Variants in GIMAP2 observed in about 807,000 individuals in gnomAD.
The protein encoded by GIMAP2 is GTPase IMAP family member 2.
A neutral mutation model predicts 25.5 loss-of-function variants in GIMAP2; 22 were observed. That is an observed-to-expected ratio of 0.86 (90% CI 0.62 to 1.23). The LOEUF (loss-of-function observed/expected upper bound fraction) is 1.23, where lower values mean the gene tolerates loss of function less well. Ranked by LOEUF, GIMAP2 falls within the 50% of genes most tolerant of loss-of-function variation. The probability of loss-of-function intolerance (pLI) is 0.00; values close to 1 mark genes in which losing one functional copy is unlikely to be tolerated. For synonymous variants in GIMAP2, 167 were observed against 143.0 expected (o/e 1.17, Z -1.20); for missense variants, 422 against 395.7 (o/e 1.07, Z -0.56).
Position 150,693,306 on chromosome 7 carries a change from G to C in GIMAP2, c.*6G>C. Reference sequence around the variant, plus strand: ...GCAAGACTCCTAGGTTATAGTTACAGATCCCAGTTATTATTTACTCACTAT... The same window carrying C: ...GCAAGACTCCTAGGTTATAGTTACACATCCCAGTTATTATTTACTCACTAT... On this transcript the variant is annotated 3_prime_UTR_variant, in exon 3 of 3. Transcript: ENST00000223293. 6.6e-7 allele frequency: 1 copy of C among 1,520,570 alleles called. No individual in the cohort carries two copies. The allele number at this position is 1,520,570 out of a possible 1,614,324, so 94.2% of individuals were successfully genotyped here. A position where few individuals can be genotyped will look rare whatever the true frequency, so the allele number is the denominator to read the frequency against.
At position 150,693,288 on chromosome 7, in the gene GIMAP2, T is replaced by C. The variant is rs2116509544; in HGVS notation, c.1002T>C (p.Thr334=). 6.4e-7 allele frequency: 1 copy of C among 1,559,524 alleles called. No individual in the cohort carries two copies. The highest frequency in any genetic ancestry group is 8.6e-7 in the Non-Finnish European group (1 of 1,158,626). The change falls in exon 3 of 3, where the codon ACT becomes ACC. Residue 334 remains threonine (T), a synonymous_variant. Coordinates refer to ENST00000223293, the MANE Select transcript of GIMAP2 (RefSeq NM_015660.3). ...LRTVIRLERK[T]PRL is the part of the protein sequence containing the mutation. ...CAGTTATTAGACTAGAACGCAAGAC[T>C]CCTAGGTTATAGTTACAGATCCCAG...
In GIMAP2 at chr7:150,685,796, A is replaced by G. The variant is rs1434639192; in HGVS notation, c.-9+11A>G. The G allele has an allele frequency of 5.2e-6, 5 of 962,198 alleles. No individual in the cohort carries two copies. In the African/African-American group the frequency reaches 8.8e-5, roughly 17 times the overall value. 59.6% of individuals were successfully genotyped at this position (962,198 alleles called of 1,614,324 possible). On this transcript the variant is annotated intron_variant, in intron 1 of 2. Transcript: ENST00000223293. Reference sequence around the variant, plus strand: ...TGAACAGTAAATCAGGTAAGCCCAGATTTACGAAAAGTTCTGCAGTGTTGA... The same window carrying G: ...TGAACAGTAAATCAGGTAAGCCCAGGTTTACGAAAAGTTCTGCAGTGTTGA...
At chr7:150,688,475 A>T (rs1448830734) in intron 2 of GIMAP2, among the ~76,000 whole-genome samples, 1 of 152,162 alleles carries the variant, frequency 6.6e-6, no homozygotes, top group Non-Finnish European at 1.5e-5. Context: ...TGCCTTTCTG[A>T]TTAATAGAGA....
At chr7:150,687,773 C>CT (rs1455117058) in intron 2 of GIMAP2, among the ~76,000 whole-genome samples, 2 of 151,484 alleles carry the variant, frequency 1.3e-5, no homozygotes, top group Non-Finnish European at 2.9e-5. Flanking sequence ...CTATCATTCC[C>CT]TTCTCTTCCC....
At chr7:150,692,062 C>CAAAA (rs36051941) in intron 2 of GIMAP2, among the ~76,000 whole-genome samples, 5 of 144,474 alleles carry the variant, frequency 3.5e-5, no homozygotes, top group Non-Finnish European at 7.6e-5. Context: ...CTAAAACTAC[C>CAAAA]AAAAAAAAAA....
intron 2 of GIMAP2, chr7:150,689,396 T>A: frequency 1.5e-6 from 1 of 648,738 alleles, no homozygotes; most frequent in African/African-American, 1.8e-5. Flanking sequence ...ACCCTCCCCA[T>A]GGGAGAGAAT....
Position 150,685,710 on chromosome 7 carries a change from C to G in GIMAP2, c.-84C>G. 1 of 984,490 alleles carries G rather than the reference C, an allele frequency of 1.0e-6. No individual in the cohort carries two copies. The highest frequency in any genetic ancestry group is 1.2e-6 in the Non-Finnish European group (1 of 829,152). 61.0% of individuals were successfully genotyped at this position (984,490 alleles called of 1,614,324 possible). ...CCGACTGGAGTCTCGGTTTTACTTT[C>G]TTTTTCTCTTGGAGCTGAGCTATAA... On this transcript the variant is annotated 5_prime_UTR_variant, in exon 1 of 3. Transcript: ENST00000223293.
intron 2 of GIMAP2, 181 bp downstream of exon 2, chr7:150,687,268 T>C (rs1796915042): frequency 1.8e-6 from 1 of 566,454 alleles, no homozygotes; most frequent in African/African-American, 1.9e-5. Context: ...TTTTCTTTGT[T>C]TGTTTGTTTG....
In GIMAP2 at chr7:150,692,525, A is replaced by G; in HGVS notation, c.239A>G (p.Asp80Gly). ...GAGATTGTCATTATTGACACACCAG[A>G]TATGTTTTCTTGGAAGGACCACTGT... ...NREIVIIDTP[D>G]MFSWKDHCEA... Residue 80 changes from aspartate to glycine, a missense_variant, in exon 3 of 3, where the codon GAT (aspartate) becomes GGT (glycine). Physicochemically the swap from Asp to Gly is moderately conservative, Grantham distance 94 (BLOSUM62 -1). Coordinates refer to ENST00000223293, the MANE Select transcript of GIMAP2 (RefSeq NM_015660.3). 2 of 1,614,104 alleles carry G rather than the reference A, an allele frequency of 1.2e-6. No individual in the cohort carries two copies. The highest frequency in any genetic ancestry group is 1.7e-6 in the Non-Finnish European group (2 of 1,179,974).
intron 2 of GIMAP2, among the ~76,000 whole-genome samples, 196 bp from the exon 3 acceptor site, chr7:150,692,119 G>A (rs1796971596): frequency 6.6e-6 from 1 of 152,040 alleles, no homozygotes; most frequent in Admixed American, 6.6e-5. Flanking sequence ...CCAGCTACTG[G>A]GAGGCTGAGG....
chr7:150,686,295 G>A (rs961563454), intron 1 of GIMAP2, among the ~76,000 whole-genome samples: 12 of 152,148 alleles, frequency 7.9e-5, no homozygotes, highest in Non-Finnish European at 1.2e-4. Context: ...TCTCAGCAAA[G>A]ACTCAACATG....
rs1211190846 is a variant in GIMAP2 at position 150,692,507 on chromosome 7, T to C, written c.221T>C (p.Val74Ala). ...SQGSWGNREI[V>A]IIDTPDMFSW... ...GGAAGCTGGGGAAATAGAGAGATTG[T>C]CATTATTGACACACCAGATATGTTT... The change falls in exon 3 of 3, where the codon GTC (valine) becomes GCC (alanine). Residue 74 changes from valine to alanine, a missense_variant. By Grantham distance (64) the Val-to-Ala change is moderately conservative. Coordinates refer to ENST00000223293, the MANE Select transcript of GIMAP2 (RefSeq NM_015660.3). 1 of 1,614,046 alleles carries C rather than the reference T, an allele frequency of 6.2e-7. No homozygotes were observed. Among genetic ancestry groups the C allele is most frequent in the African/African-American group, 1.3e-5 (1 of 74,930 alleles).
Position 150,692,426 on chromosome 7 carries a change from C to T in GIMAP2, c.140C>T (p.Ala47Val). The T allele has an allele frequency of 6.2e-7, 1 of 1,614,190 alleles. No homozygotes were observed. The highest frequency in any genetic ancestry group is 1.1e-5 in the South Asian group (1 of 91,086). Residue 47 changes from alanine to valine, a missense_variant, in exon 3 of 3, where the codon GCA (alanine) becomes GTA (valine). Transcript: ENST00000223293. ...AAGNSILRKQ[A>V]FESKLGSQTL... Reference sequence around the variant, plus strand: ...GGGAACAGCATCCTCAGGAAGCAAGCATTTGAATCGAAGCTGGGTTCCCAG... The same window carrying T: ...GGGAACAGCATCCTCAGGAAGCAAGTATTTGAATCGAAGCTGGGTTCCCAG...
In GIMAP2 at chr7:150,692,406, C is replaced by A; in HGVS notation, c.120C>A (p.Asn40Lys). The stretch of plus-strand genomic sequence containing the variant: ...GAACTGGCAAAAGTGCTGCAGGGAA[C>A]AGCATCCTCAGGAAGCAAGCATTTG... ...KTGTGKSAAGNSILRKQAFES... is the reference protein window; with the variant it reads ...KTGTGKSAAGKSILRKQAFES... Residue 40 changes from asparagine to lysine, a missense_variant, in exon 3 of 3, where the codon AAC (asparagine) becomes AAA (lysine). By Grantham distance (94) the Asn-to-Lys change is moderately conservative. Transcript: ENST00000223293. The A allele has an allele frequency of 6.2e-7, 1 of 1,614,212 alleles. No homozygotes were observed. Among genetic ancestry groups the A allele is most frequent in the East Asian group, 2.2e-5 (1 of 44,886 alleles).
At chr7:150,689,810 C>CTT in intron 2 of GIMAP2, 1 of 396,064 alleles carries the variant, frequency 2.5e-6, no homozygotes, top group Non-Finnish European at 4.5e-6. Flanking sequence ...CAAATGCCAG[C>CTT]TTTTTCATTT....
chr7:150,686,449 C>A (rs959892460), intron 1 of GIMAP2, among the ~76,000 whole-genome samples: 9 of 151,892 alleles, frequency 5.9e-5, no homozygotes, highest in African/African-American at 2.2e-4. Context: ...GCAGGCAAAA[C>A]AAAAACAGAA....
intron 2 of GIMAP2, among the ~76,000 whole-genome samples, chr7:150,687,963 A>C (rs1206176345): frequency 1.3e-5 from 2 of 151,994 alleles, no homozygotes; most frequent in African/African-American, 4.8e-5. Flanking sequence ...CTCCTTACCA[A>C]GTTGCCTTCA....
chr7:150,690,837 A>AC (rs1267733372), intron 2 of GIMAP2, among the ~76,000 whole-genome samples: 1 of 152,194 alleles, frequency 6.6e-6, no homozygotes, highest in Non-Finnish European at 1.5e-5. Context: ...GACAATCTAA[A>AC]CTAAGCAATC....
intron 2 of GIMAP2, among the ~76,000 whole-genome samples, chr7:150,691,041 CTTAG>C (rs1035982940): frequency 2.0e-5 from 3 of 152,172 alleles, no homozygotes; most frequent in Non-Finnish European, 4.4e-5. Flanking sequence ...GCAGGAGAGT[CTTAG>C]TTTGTTTGGA....
Sources: gnomAD v4.1 joint callset for allele counts (sites outside exome capture counted in the v4.1 genomes callset) on GRCh38, gnomAD v4.1.1 for gene constraint, MANE v1.5 for transcripts, NCBI Gene and HGNC (gene_info 2026-07-23, HGNC 2026-07-21) for gene names.